Variants in LRP1B observed in about 807,000 individuals in gnomAD.
The protein encoded by LRP1B is low-density lipoprotein receptor-related protein 1B.
LRP1B carries 217 observed loss-of-function variants against 556.6 expected under a neutral mutation model. The observed-to-expected ratio is 0.39, with a 90% CI of 0.35 to 0.44. The LOEUF is 0.44. Ranked by LOEUF, LRP1B falls within the 20% of genes least tolerant of loss-of-function variation. The pLI is 1.00. For missense variants in LRP1B, 5,053 were observed against 5,620.8 expected (o/e 0.90, Z 3.23); for synonymous variants, 2,047 against 1,865.8 (o/e 1.10, Z -2.50).
chr2:141,464,045 A>ATAC lies in LRP1B; in HGVS notation c.343+16348_343+16350dup. ...GGCTCCTAAAAGATATGAGTTGTTA[A>ATAC]TACTAGAAAAAGTATGCTGTCCTGG... On this transcript the variant is annotated intron_variant, in intron 3 of 90. Coordinates refer to ENST00000389484, the MANE Select transcript of LRP1B (RefSeq NM_018557.3). Among the ~76,000 whole-genome samples, 2 of 152,070 alleles carry ATAC rather than the reference A, an allele frequency of 1.3e-5. 1 individual carries two copies. Among genetic ancestry groups the ATAC allele is most frequent in the Admixed American group, 1.3e-4 (2 of 15,254 alleles).
chr2:141,594,812 T>C (rs575806619), intron 2 of LRP1B, among the ~76,000 whole-genome samples: 4 of 152,220 alleles, frequency 2.6e-5, no homozygotes, highest in Non-Finnish European at 5.9e-5. Flanking sequence ...ATGATATTGA[T>C]ATATAGGCCA....
At chr2:141,973,732 TAA>T (rs943736837) in intron 1 of LRP1B, among the ~76,000 whole-genome samples, 45 of 152,034 alleles carry the variant, frequency 3.0e-4, no homozygotes, top group African/African-American at 1.1e-3. Flanking sequence ...AATGCTTTTA[TAA>T]AGTTTTTAGA....
In LRP1B at chr2:140,358,045, T is replaced by C. The variant is rs770677780; in HGVS notation, c.11329A>G (p.Met3777Val). 14 of 1,611,484 alleles carry C rather than the reference T, an allele frequency of 8.7e-6. No individual in the cohort carries two copies. Among genetic ancestry groups the C allele is most frequent in the Non-Finnish European group, 1.2e-5 (14 of 1,178,410 alleles). ...TCAAGTCGATCACACTGGAGATCCA[T>C]AGGGATGCATTTTTTATTACTACAA... ...FACSNKKCIPMDLQCDRLDDC... is the reference protein window; with the variant it reads ...FACSNKKCIPVDLQCDRLDDC... The change falls in exon 74 of 91, where the codon ATG (methionine) becomes GTG (valine). Residue 3777 changes from methionine (M) to valine (V), a missense_variant. Transcript: ENST00000389484.
chr2:140,655,060 T>C (rs530242917), intron 41 of LRP1B, among the ~76,000 whole-genome samples: 8 of 143,362 alleles, frequency 5.6e-5, no homozygotes, highest in African/African-American at 1.8e-4. Context: ...CCTAGCTCTC[T>C]AAAAATTGGA....
intron 86 of LRP1B, among the ~76,000 whole-genome samples, chr2:140,261,543 T>C (rs2104927264): frequency 6.6e-6 from 1 of 152,012 alleles, no homozygotes; most frequent in Non-Finnish European, 1.5e-5. Context: ...TAAACACACC[T>C]AATTATTGAA....
chr2:140,467,839 T>A (rs1347666591), intron 60 of LRP1B, among the ~76,000 whole-genome samples: 2 of 152,140 alleles, frequency 1.3e-5, no homozygotes, highest in East Asian at 3.9e-4. Flanking sequence ...TTTGTTGCAC[T>A]GCTTATAGTA....
intron 23 of LRP1B, among the ~76,000 whole-genome samples, chr2:140,895,942 G>A (rs564022398): frequency 6.6e-6 from 1 of 152,080 alleles, no homozygotes; most frequent in African/African-American, 2.4e-5. Flanking sequence ...GGATGGAGGT[G>A]GGGGGCAGGG....
intron 86 of LRP1B, among the ~76,000 whole-genome samples, chr2:140,268,262 A>C (rs1682299527): frequency 6.6e-6 from 1 of 151,942 alleles, no homozygotes; most frequent in African/African-American, 2.4e-5. Flanking sequence ...CTCTGGTTGC[A>C]ATGCCCAAGT....
intron 27 of LRP1B, among the ~76,000 whole-genome samples, chr2:140,856,891 G>A (rs1023880261): frequency 6.6e-6 from 1 of 152,044 alleles, no homozygotes; most frequent in African/African-American, 2.4e-5. Context: ...TAAAATTGCA[G>A]CAATCTAAAA....
chr2:140,946,659 A>G (rs1389017035), intron 20 of LRP1B, among the ~76,000 whole-genome samples: 5 of 152,076 alleles, frequency 3.3e-5, no homozygotes, highest in Admixed American at 6.6e-5. Context: ...CATTTGACCC[A>G]GCAATCTCAT....
At chr2:141,612,498 T>A (rs1354768920) in intron 2 of LRP1B, among the ~76,000 whole-genome samples, 2 of 152,192 alleles carry the variant, frequency 1.3e-5, no homozygotes, top group Non-Finnish European at 2.9e-5. Flanking sequence ...AGGGTAAATA[T>A]TTATAATAAC....
chr2:141,829,344 C>T (rs1052991530), intron 1 of LRP1B, among the ~76,000 whole-genome samples: 3 of 151,924 alleles, frequency 2.0e-5, no homozygotes, highest in Non-Finnish European at 4.4e-5. Flanking sequence ...TTCTAAAGAG[C>T]GTATAACTAA....
chr2:141,636,651 T>C (rs1162331905), intron 2 of LRP1B, among the ~76,000 whole-genome samples: 1 of 152,122 alleles, frequency 6.6e-6, no homozygotes, highest in Non-Finnish European at 1.5e-5. Flanking sequence ...TGCTTTGCCA[T>C]TTAAGTGGTA....
At chr2:141,053,201 G>T (rs1332209863) in intron 10 of LRP1B, among the ~76,000 whole-genome samples, 1 of 152,024 alleles carries the variant, frequency 6.6e-6, no homozygotes, top group South Asian at 2.1e-4. Flanking sequence ...CAAGGGTAGT[G>T]GATTTCATTT....
intron 21 of LRP1B, among the ~76,000 whole-genome samples, chr2:140,914,199 G>A (rs571974786): frequency 6.6e-5 from 10 of 152,098 alleles, no homozygotes; most frequent in Non-Finnish European, 1.5e-4. Flanking sequence ...TGAAGCTAAT[G>A]ACTGTCAGAG....
intron 2 of LRP1B, among the ~76,000 whole-genome samples, chr2:141,524,263 A>AATATATATATATATATATAT (rs76874852): frequency 2.0e-5 from 3 of 148,048 alleles, no homozygotes; most frequent in African/African-American, 5.0e-5. Flanking sequence ...ATAAGCAAAG[A>AATATATATATATATATATAT]ATATATATAT....
At chr2:141,255,415 A>G (rs1484792750) in intron 3 of LRP1B, among the ~76,000 whole-genome samples, 1 of 152,094 alleles carries the variant, frequency 6.6e-6, no homozygotes, top group African/African-American at 2.4e-5. Context: ...TCAAAGTTAA[A>G]TGATTCAAAA....
intron 1 of LRP1B, among the ~76,000 whole-genome samples, chr2:142,004,458 C>A (rs1378649367): frequency 6.6e-6 from 1 of 151,606 alleles, no homozygotes; most frequent in Non-Finnish European, 1.5e-5. Context: ...ACAATATATA[C>A]TACATATGTA....
intron 84 of LRP1B, among the ~76,000 whole-genome samples, chr2:140,297,574 A>G (rs574572878): frequency 1.4e-4 from 21 of 152,276 alleles, no homozygotes; most frequent in African/African-American, 5.1e-4. Flanking sequence ...CTGAGGGTGT[A>G]CACAGGGAAT....
Sources: gnomAD v4.1 joint callset for allele counts (sites outside exome capture counted in the v4.1 genomes callset) on GRCh38, gnomAD v4.1.1 for gene constraint, MANE v1.5 for transcripts, NCBI Gene and HGNC (gene_info 2026-07-23, HGNC 2026-07-21) for gene names.